GADL1: variants seen among roughly 807,000 people sequenced by gnomAD.
The protein encoded by GADL1 is GAD like acidic amino acid decarboxylase 1.
GADL1 carries 71 observed loss-of-function variants against 69.5 expected under a neutral mutation model. The ratio of observed to expected loss-of-function variants is 1.02; its 90% confidence interval spans 0.84 to 1.25. GADL1 has a LOEUF of 1.25. Ranked by LOEUF, GADL1 falls within the 50% of genes most tolerant of loss-of-function variation. The pLI, the probability that GADL1 is intolerant of heterozygous loss-of-function variation, is 0.00. For missense variants in GADL1, 737 were observed against 631.8 expected, an observed-to-expected ratio of 1.17 and a Z score of -1.79; for synonymous variants, 254 against 214.4, an observed-to-expected ratio of 1.18 and a Z score of -1.62.
chr3:30,892,077 G>GA (rs976689112), intron 1 of GADL1, among the ~76,000 whole-genome samples: 7 of 152,202 alleles, frequency 4.6e-5, no homozygotes, highest in Middle Eastern at 3.4e-3. Flanking sequence ...AAGTGATAGA[G>GA]AAAAAACATT....
intron 1 of GADL1, among the ~76,000 whole-genome samples, chr3:30,893,846 C>T (rs1698817591): frequency 6.6e-6 from 1 of 152,156 alleles, no homozygotes; most frequent in Non-Finnish European, 1.5e-5. Context: ...AACTTTGAGA[C>T]TTCATTAAGC....
chr3:30,814,528 G>A (rs1310349604), intron 11 of GADL1, among the ~76,000 whole-genome samples: 1 of 152,132 alleles, frequency 6.6e-6, no homozygotes, highest in Admixed American at 6.6e-5. Context: ...CTGCCATAGA[G>A]GATATTTAAA....
At chr3:30,891,694 A>G (rs1336217891) in intron 1 of GADL1, among the ~76,000 whole-genome samples, 2 of 152,188 alleles carry the variant, frequency 1.3e-5, no homozygotes, top group Non-Finnish European at 2.9e-5. Context: ...ATCCCCATTG[A>G]CTTGTTAACG....
intron 11 of GADL1, among the ~76,000 whole-genome samples, chr3:30,817,826 A>G (rs1021741295): frequency 6.6e-6 from 1 of 152,220 alleles, no homozygotes; most frequent in African/African-American, 2.4e-5. Context: ...GATCAAAAGG[A>G]CATATAATAG....
chr3:30,811,658 C>G (rs1368272565), intron 11 of GADL1, among the ~76,000 whole-genome samples: 1 of 152,078 alleles, frequency 6.6e-6, no homozygotes, highest in Non-Finnish European at 1.5e-5. Context: ...GGAGTGCATA[C>G]TGATTTTTTC....
chr3:30,731,141 G>A (rs552998862), intron 14 of GADL1, among the ~76,000 whole-genome samples: 19 of 152,304 alleles, frequency 1.2e-4, no homozygotes, highest in Middle Eastern at 3.4e-3. Flanking sequence ...CTAGCTAGAA[G>A]GGCCACAGAC....
intron 14 of GADL1, among the ~76,000 whole-genome samples, chr3:30,765,003 G>C (rs1259790121): frequency 6.6e-6 from 1 of 151,678 alleles, no homozygotes; most frequent in African/African-American, 2.4e-5. Context: ...GACAATGCAG[G>C]TTTAGCCATC....
intron 1 of GADL1, among the ~76,000 whole-genome samples, chr3:30,865,886 AG>A (rs1291249780): frequency 6.6e-6 from 1 of 152,046 alleles, no homozygotes; most frequent in Non-Finnish European, 1.5e-5. Flanking sequence ...CAATTCCTAA[AG>A]ACTCCAACTT....
At chr3:30,843,258 CTT>C (rs71094001) in intron 8 of GADL1, among the ~76,000 whole-genome samples, 7 of 139,144 alleles carry the variant, frequency 5.0e-5, no homozygotes, top group Non-Finnish European at 4.6e-5. Flanking sequence ...AATGATACAC[CTT>C]TTTTTTTTTT....
intron 11 of GADL1, among the ~76,000 whole-genome samples, chr3:30,818,207 A>T (rs757453543): frequency 2.0e-5 from 3 of 152,188 alleles, no homozygotes; most frequent in Non-Finnish European, 2.9e-5. Context: ...ACACTGAGAG[A>T]TTCTAATTTA....
chr3:30,838,136 G>A (rs1245608461), intron 9 of GADL1, among the ~76,000 whole-genome samples: 2 of 152,038 alleles, frequency 1.3e-5, no homozygotes, highest in Non-Finnish European at 2.9e-5. Context: ...TATTTCTTCT[G>A]CCAAGGAGGA....
intron 9 of GADL1, among the ~76,000 whole-genome samples, chr3:30,838,094 T>C (rs1308639037): frequency 6.6e-6 from 1 of 152,080 alleles, no homozygotes; most frequent in East Asian, 1.9e-4. Context: ...TCCCCCCAAA[T>C]GCTGTTTCCT....
chr3:30,738,377 A>G (rs1575178791), intron 14 of GADL1, among the ~76,000 whole-genome samples: 1 of 152,190 alleles, frequency 6.6e-6, no homozygotes, highest in African/African-American at 2.4e-5. Context: ...AATCTGCCCA[A>G]GGAAGAATCA....
intron 2 of GADL1, among the ~76,000 whole-genome samples, chr3:30,860,613 A>C (rs6783002): frequency 0.21 from 31,281 of 151,902 alleles, 3,743 homozygotes; most frequent in East Asian, 0.51. Context: ...TGTGATCAAA[A>C]ATTCAGAATA....
At chr3:30,743,754 A>T (rs1559484695) in intron 14 of GADL1, among the ~76,000 whole-genome samples, 1 of 152,162 alleles carries the variant, frequency 6.6e-6, no homozygotes, top group Non-Finnish European at 1.5e-5. Flanking sequence ...ATTGTTCTTC[A>T]TTATTTAAAT....
chr3:30,841,976 G>A (rs923200057), intron 8 of GADL1, among the ~76,000 whole-genome samples: 3 of 152,160 alleles, frequency 2.0e-5, no homozygotes, highest in Non-Finnish European at 2.9e-5. Context: ...TGAGCACTTA[G>A]GGTCTCAAAT....
At chr3:30,733,659 C>T (rs1170912119) in intron 14 of GADL1, among the ~76,000 whole-genome samples, 1 of 151,272 alleles carries the variant, frequency 6.6e-6, no homozygotes, top group Non-Finnish European at 1.5e-5. Context: ...CTCCCTCCTT[C>T]CCTCTCTCCC....
At chr3:30,761,618 CTT>C (rs1230393814) in intron 14 of GADL1, among the ~76,000 whole-genome samples, 8 of 152,254 alleles carry the variant, frequency 5.3e-5, no homozygotes, top group Middle Eastern at 3.4e-3. Context: ...CTAAACCAAA[CTT>C]TATCCAATTG....
At chr3:30,824,571 T>C (rs908438551) in intron 11 of GADL1, among the ~76,000 whole-genome samples, 1 of 151,700 alleles carries the variant, frequency 6.6e-6, no homozygotes, top group Non-Finnish European at 1.5e-5. Context: ...ATAAGGAAAT[T>C]GTGATATATT....
Sources: allele counts gnomAD v4.1 joint callset (sites outside exome capture counted in the v4.1 genomes callset), GRCh38; gene constraint gnomAD v4.1.1; transcripts MANE v1.5; gene names NCBI Gene and HGNC (gene_info 2026-07-23, HGNC 2026-07-21).